The following DNASE1 variants were observed in gnomAD, a reference collection of about 807,000 sequenced individuals.
The protein encoded by DNASE1 is deoxyribonuclease 1, also known as deoxyribonuclease-1.
DNASE1 carries 40 observed loss-of-function variants against 33.9 expected under a neutral mutation model. The observed-to-expected ratio is 1.18, with a 90% CI of 0.92 to 1.54. The LOEUF (loss-of-function observed/expected upper bound fraction) is 1.54. DNASE1 is among the 40% of genes most tolerant of loss of function. The pLI, the probability that DNASE1 is intolerant of heterozygous loss-of-function variation, is 0.00. For missense variants in DNASE1, 518 were observed against 372.6 expected, an observed-to-expected ratio of 1.39 and a Z score of -3.21; for synonymous variants, 216 against 160.0, an observed-to-expected ratio of 1.35 and a Z score of -2.64.
At chr16:3,624,129 CA>C (rs1485034505) in intron 1 of DNASE1, among the ~76,000 whole-genome samples, 5 of 151,740 alleles carry the variant, frequency 3.3e-5, no homozygotes, top group African/African-American at 1.2e-4. Flanking sequence ...ATACAAAAAT[CA>C]GCTGGGCGCG....
At chr16:3,635,256 A>G (rs777653399) in intron 1 of DNASE1, among the ~76,000 whole-genome samples, 4 of 151,958 alleles carry the variant, frequency 2.6e-5, no homozygotes, top group African/African-American at 4.8e-5. Context: ...TCAGGAGTTC[A>G]AGACCAGCCT....
chr16:3,660,002 C>T (rs1021860768), downstream of DNASE1: 10 of 152,228 alleles, frequency 6.6e-5, 1 homozygote, highest in Admixed American at 6.5e-4. Context: ...GTTGGGATTA[C>T]AGGCGTGAGG....
At chr16:3,616,922 C>A (rs2041123479) in intron 1 of DNASE1, among the ~76,000 whole-genome samples, 1 of 152,124 alleles carries the variant, frequency 6.6e-6, no homozygotes, top group Non-Finnish European at 1.5e-5. Flanking sequence ...ACAAATGGAG[C>A]TGGGATAACA....
rs34923865 is a variant in DNASE1 at position 3,656,667 on chromosome 16, A to C, written c.350A>C (p.Tyr117Ser). 0.012 allele frequency: 19,443 copies of C among 1,612,976 alleles called. 188 individuals carry two copies. Among genetic ancestry groups the C allele is most frequent in the Non-Finnish European group, 0.014 (16,092 of 1,179,552 alleles). The change falls in exon 5 of 9, where the codon TAC becomes TCC. Residue 117 changes from tyrosine to serine, a missense_variant. Coordinates refer to ENST00000246949, the MANE Select transcript of DNASE1 (RefSeq NM_005223.4). ...GACCAGGTGTCTGCGGTGGACAGCT[A>C]CTACTACGATGATGGCTGCGAGCCC... Reference protein sequence around the residue: ...RPDQVSAVDSYYYDDGCEPCG... With the variant: ...RPDQVSAVDSSYYDDGCEPCG...
intron 1 of DNASE1, among the ~76,000 whole-genome samples, chr16:3,620,397 G>T (rs1002600979): frequency 6.7e-6 from 1 of 150,320 alleles, no homozygotes; most frequent in South Asian, 2.1e-4. Flanking sequence ...AGAGTACTCA[G>T]TGTGTCACCC....
downstream of DNASE1, chr16:3,659,738 C>T (rs1309630579): frequency 7.2e-6 from 1 of 139,194 alleles, no homozygotes; most frequent in Non-Finnish European, 1.5e-5. Flanking sequence ...TCCCTTTAAA[C>T]ACTTTTTTTT....
chr16:3,664,599 CG>C (rs2050784903), exon 10 of DNASE1: 1 of 891,940 alleles, frequency 1.1e-6, no homozygotes, highest in Non-Finnish European at 1.7e-6. Flanking sequence ...GTAGTGGACT[CG>C]GGGGTTGTCC....
chr16:3,663,557 G>A (rs1031690293), exon 10 of DNASE1: 2 of 1,613,736 alleles, frequency 1.2e-6, no homozygotes, highest in Non-Finnish European at 8.5e-7. Context: ...CAAAGCAGAA[G>A]AGAACCTGCA....
Position 3,613,908 on chromosome 16 carries a change from A to ATTTTTTT in DNASE1, c.-1359+1919_-1359+1925dup, listed in dbSNP as rs200976238. 2.2e-3 allele frequency among the ~76,000 whole-genome samples: 247 copies of ATTTTTTT among 113,102 alleles called. 4 individuals are homozygous for ATTTTTTT. The highest frequency in any genetic ancestry group is 8.0e-3 in the African/African-American group (213 of 26,716). 74.2% of individuals were successfully genotyped at this position (113,102 alleles called of 152,430 possible). On this transcript the variant is annotated intron_variant and NMD_transcript_variant, in intron 1 of 11. Coordinates refer to the DNASE1 transcript ENST00000570769. ...AGGCGCCCGCAACCGCGCCTGGCTA[A>ATTTTTTT]TTTTTTTTTTTTTTTTTTTTTTTGG...
chr16:3,635,126 G>A (rs1286089857), intron 1 of DNASE1, among the ~76,000 whole-genome samples: 1 of 152,138 alleles, frequency 6.6e-6, no homozygotes, highest in African/African-American at 2.4e-5. Flanking sequence ...AGCTGTTGCT[G>A]TTATTACCTT....
chr16:3,617,398 G>C (rs1192709676), intron 1 of DNASE1, among the ~76,000 whole-genome samples: 1 of 145,550 alleles, frequency 6.9e-6, no homozygotes, highest in Non-Finnish European at 1.5e-5. Flanking sequence ...GTTGGCAGTA[G>C]ACTCTAGATA....
Position 3,655,241 on chromosome 16 carries a change from G to C in DNASE1, c.-1-132G>C, listed in dbSNP as rs1309973447. 3 of 1,272,466 alleles carry C rather than the reference G, an allele frequency of 2.4e-6. No individual in the cohort carries two copies. In the Admixed American group the frequency reaches 6.4e-5, roughly 27 times the overall value. The allele number at this position is 1,272,466 out of a possible 1,614,324, so 78.8% of individuals were successfully genotyped here. A position where few individuals can be genotyped will look rare whatever the true frequency, so the allele number is the denominator to read the frequency against. The stretch of plus-strand genomic sequence containing the variant: ...TGGCTTTCTGGACGTTGTAGGAAAG[G>C]GTTTCCCCCGCCTGCGTCCCCCTGA... On this transcript the variant is annotated intron_variant, in intron 1 of 8. Coordinates refer to ENST00000246949, the MANE Select transcript of DNASE1 (RefSeq NM_005223.4).
Position 3,655,485 on chromosome 16 carries a change from A to G in DNASE1, c.112A>G (p.Met38Val). Residue 38 changes from methionine (M) to valine (V), a missense_variant, in exon 2 of 9, where the codon ATG becomes GTG. Met to Val is a conservative substitution (Grantham distance 21). Transcript: ENST00000246949. Reference sequence around the variant, plus strand: ...CATCCAGACATTTGGGGAGACCAAGATGTCCAATGCCACCCTCGTCAGCTA... The same window carrying G: ...CATCCAGACATTTGGGGAGACCAAGGTGTCCAATGCCACCCTCGTCAGCTA... ...FNIQTFGETK[M>V]SNATLVSYIV... 12 of 1,614,128 alleles carry G rather than the reference A, an allele frequency of 7.4e-6. No homozygotes were observed. Among genetic ancestry groups the G allele is most frequent in the African/African-American group, 4.0e-5 (3 of 75,044 alleles).
chr16:3,643,333 A>T (rs540095394), intron 1 of DNASE1, among the ~76,000 whole-genome samples: 1 of 152,380 alleles, frequency 6.6e-6, no homozygotes, highest in Admixed American at 6.5e-5. Context: ...GTGGCTGAAA[A>T]GCAGAGTGGG....
At chr16:3,658,191 C>T (rs61756352), downstream of DNASE1, 4,875 of 1,613,918 alleles carry the variant, frequency 3.0e-3, 22 homozygotes, top group Non-Finnish European at 3.8e-3. Context: ...GCCCTAGGGT[C>T]GTCAACAAGT....
chr16:3,634,280 G>C (rs927852038), intron 1 of DNASE1, among the ~76,000 whole-genome samples: 19 of 151,936 alleles, frequency 1.3e-4, no homozygotes, highest in Admixed American at 7.2e-4. Context: ...CCAGGCTGGA[G>C]TGCAGTGGCG....
intron 1 of DNASE1, among the ~76,000 whole-genome samples, chr16:3,612,618 C>G (rs1268129417): frequency 6.8e-6 from 1 of 146,342 alleles, no homozygotes; most frequent in East Asian, 2.0e-4. Context: ...CTATGTTGCC[C>G]AGGCTGGTCT....
chr16:3,656,773 G>C lies in DNASE1; in HGVS notation c.436+20G>C. 1 of 1,590,256 alleles carries C rather than the reference G, an allele frequency of 6.3e-7. No homozygotes were observed. Among genetic ancestry groups the C allele is most frequent in the Non-Finnish European group, 8.6e-7 (1 of 1,168,504 alleles). ...TCACAGGTGGGTGCTGCCTGGGCCAGGGTGGGGCTCGGCTTGGCGCTTATG... is the reference window on the plus strand; with the variant it reads ...TCACAGGTGGGTGCTGCCTGGGCCACGGTGGGGCTCGGCTTGGCGCTTATG... On this transcript the variant is annotated intron_variant, in intron 5 of 8. Coordinates refer to ENST00000246949, the MANE Select transcript of DNASE1 (RefSeq NM_005223.4).
At chr16:3,663,892 GTC>G in exon 10 of DNASE1, 1 of 363,596 alleles carries the variant, frequency 2.8e-6, no homozygotes, top group Admixed American at 4.2e-5. Context: ...GTGAAATGCC[GTC>G]TCTATTAAAA....
Sources: gnomAD v4.1 joint callset for allele counts (sites outside exome capture counted in the v4.1 genomes callset) on GRCh38, gnomAD v4.1.1 for gene constraint, MANE v1.5 for transcripts, NCBI Gene and HGNC (gene_info 2026-07-23, HGNC 2026-07-21) for gene names.